TRPM7: variants seen among roughly 807,000 people sequenced by gnomAD.
TRPM7 encodes the protein transient receptor potential cation channel subfamily M member 7, also known as LTRPC ion channel family member 7.
A neutral mutation model predicts 229.7 loss-of-function variants in TRPM7; 134 were observed. The observed-to-expected ratio is 0.58, with a 90% CI of 0.51 to 0.67. TRPM7 has a LOEUF of 0.67. Among genes scored for constraint, TRPM7 ranks in the 30% least tolerant of loss-of-function variants. TRPM7 has a pLI of 0.00. For missense variants in TRPM7, 1,901 were observed against 2,210.0 expected, an observed-to-expected ratio of 0.86 and a Z score of 2.80; for synonymous variants, 699 against 715.2, an observed-to-expected ratio of 0.98 and a Z score of 0.36.
At position 50,564,255 on chromosome 15, in the gene TRPM7, A is replaced by AC. The variant is rs1338643061; in HGVS notation, c.5468-2448_5468-2447insG. ...CAGAGTGAGACTGTCTCAAAAAATA[A>AC]AATAAAATAAAATAAAATAAAATAA... On this transcript the variant is annotated intron_variant, in intron 38 of 38. Coordinates refer to ENST00000646667, the MANE Select transcript of TRPM7 (RefSeq NM_017672.6). 4.1e-4 allele frequency among the ~76,000 whole-genome samples: 19 copies of AC among 45,824 alleles called. 1 individual carries two copies. The highest frequency in any genetic ancestry group is 1.3e-3 in the African/African-American group (17 of 13,218). 30.1% of individuals were successfully genotyped at this position (45,824 alleles called of 152,430 possible).
At chr15:50,624,010 G>A (rs1293615108) in intron 12 of TRPM7, among the ~76,000 whole-genome samples, 156 bp downstream of exon 12, 1 of 152,064 alleles carries the variant, frequency 6.6e-6, no homozygotes, top group Non-Finnish European at 1.5e-5. Flanking sequence ...GTTTCAGACT[G>A]TAATACAACC....
In TRPM7 at chr15:50,561,426, G is replaced by A; in HGVS notation, c.*252C>T. On this transcript the variant is annotated 3_prime_UTR_variant, in exon 39 of 39. Transcript: ENST00000646667. ...AATGAGATCCTCTGCTATACAAAGA[G>A]CCCTTTAAAAAGTTATAAATACTAA... The A allele has an allele frequency of 5.2e-6, 2 of 381,200 alleles. No individual in the cohort carries two copies. Among genetic ancestry groups the A allele is most frequent in the Non-Finnish European group, 9.3e-6 (2 of 214,072 alleles). 23.6% of individuals were successfully genotyped at this position (381,200 alleles called of 1,614,324 possible). A position where few individuals can be genotyped will look rare whatever the true frequency, so the allele number is the denominator to read the frequency against.
intron 3 of TRPM7, among the ~76,000 whole-genome samples, chr15:50,655,766 G>C (rs1189744185): frequency 2.0e-5 from 3 of 152,150 alleles, no homozygotes; most frequent in Non-Finnish European, 4.4e-5. Flanking sequence ...GGGAGGCCAA[G>C]GCAGGCAGAT....
intron 8 of TRPM7, among the ~76,000 whole-genome samples, chr15:50,633,874 GTTTTA>G (rs2060808230): frequency 6.6e-6 from 1 of 152,270 alleles, no homozygotes; most frequent in East Asian, 1.9e-4. Context: ...CATGAAGATG[GTTTTA>G]TTTTAATTTG....
intron 12 of TRPM7, among the ~76,000 whole-genome samples, chr15:50,622,350 A>C (rs924539938): frequency 6.6e-6 from 1 of 152,234 alleles, no homozygotes. Flanking sequence ...TTAAAACTTC[A>C]TCAATAATTG....
rs75557468 is a variant in TRPM7 at position 50,656,499 on chromosome 15, C to CTT, written c.122+1280_122+1281dup. Among the ~76,000 whole-genome samples, 106 of 133,508 alleles carry CTT rather than the reference C, an allele frequency of 7.9e-4. 1 individual carries two copies. Among genetic ancestry groups the CTT allele is most frequent in the African/African-American group, 2.8e-3 (101 of 36,024 alleles). The allele number at this position is 133,508 out of a possible 152,430, so 87.6% of individuals were successfully genotyped here. A position where few individuals can be genotyped will look rare whatever the true frequency, so the allele number is the denominator to read the frequency against. On this transcript the variant is annotated intron_variant, in intron 3 of 38. Transcript: ENST00000646667. ...TGCCAAGATTTTTGTGTGTGGTTTT[C>CTT]TTTTTTTTTTTTTTTTGGTAGACAC...
At chr15:50,567,741 C>A (rs1459746060) in intron 38 of TRPM7, among the ~76,000 whole-genome samples, 1 of 151,450 alleles carries the variant, frequency 6.6e-6, no homozygotes, top group Non-Finnish European at 1.5e-5. Flanking sequence ...CCAAAAGATG[C>A]AGAAAAAAAA....
intron 1 of TRPM7, among the ~76,000 whole-genome samples, chr15:50,686,289 G>A (rs964323383): frequency 2.0e-5 from 3 of 152,188 alleles, no homozygotes; most frequent in Non-Finnish European, 4.4e-5. Context: ...GCTGGGAGCC[G>A]AGTCTCGGCT....
chr15:50,666,495 C>T (rs564406710), intron 1 of TRPM7, among the ~76,000 whole-genome samples: 17 of 151,466 alleles, frequency 1.1e-4, no homozygotes, highest in Middle Eastern at 3.4e-3. Context: ...AAGAAGAAAA[C>T]GAAGAGGAAG....
chr15:50,637,658 T>C, intron 6 of TRPM7, 65 bp from the exon 7 acceptor site: 1 of 1,390,602 alleles, frequency 7.2e-7, no homozygotes, highest in African/African-American at 1.5e-5. Flanking sequence ...AAAATAAATT[T>C]TGAAATAATC....
At chr15:50,615,478 T>C (rs759644680) in intron 13 of TRPM7, among the ~76,000 whole-genome samples, 2 of 152,198 alleles carry the variant, frequency 1.3e-5, no homozygotes, top group Non-Finnish European at 2.9e-5. Context: ...TTTGGAAAGA[T>C]TGCCTGTTTT....
At position 50,683,084 on chromosome 15, in the gene TRPM7, C is replaced by T. The variant is rs527570866; in HGVS notation, c.3+3447G>A. ...ATTTTTTTTGGTAGAGACTGGGTTT[C>T]GCCATCTTTCCCAGGCTAGTCTTGT... On this transcript the variant is annotated intron_variant, in intron 1 of 38. Coordinates refer to ENST00000646667, the MANE Select transcript of TRPM7 (RefSeq NM_017672.6). Among the ~76,000 whole-genome samples, 19 of 151,776 alleles carry T rather than the reference C, an allele frequency of 1.3e-4. No individual in the cohort carries two copies. The South Asian group carries it at 3.1e-3, about 25-fold the overall frequency.
At chr15:50,684,585 C>A (rs1248573880) in intron 1 of TRPM7, among the ~76,000 whole-genome samples, 1 of 151,712 alleles carries the variant, frequency 6.6e-6, no homozygotes, top group Admixed American at 6.6e-5. Flanking sequence ...AGGCTGCAGT[C>A]AGCCGAGATC....
In TRPM7 at chr15:50,557,708, A is replaced by C. The variant is rs945426750; in HGVS notation, c.*3970T>G. The C allele has an allele frequency of 2.6e-5, 4 of 152,254 alleles. No homozygotes were observed. The highest frequency in any genetic ancestry group is 9.6e-5 in the African/African-American group (4 of 41,454). 9.4% of individuals were successfully genotyped at this position (152,254 alleles called of 1,614,324 possible). On this transcript the variant is annotated 3_prime_UTR_variant, in exon 39 of 39. Coordinates refer to ENST00000646667, the MANE Select transcript of TRPM7 (RefSeq NM_017672.6). ...CCCAGGCTGGAGTGCAGTGGCAGCAATCTAGGCTCACTGCAACCTCCACCT... is the reference window on the plus strand; with the variant it reads ...CCCAGGCTGGAGTGCAGTGGCAGCACTCTAGGCTCACTGCAACCTCCACCT...
rs1304743028 is a variant in TRPM7, at chr15:50,608,725, T to C, written c.2580+856A>G. Among the ~76,000 whole-genome samples the C allele has an allele frequency of 2.0e-5, 3 of 152,208 alleles. 1 individual carries two copies. Among genetic ancestry groups the C allele is most frequent in the African/African-American group, 7.2e-5 (3 of 41,466 alleles). On this transcript the variant is annotated intron_variant, in intron 19 of 38. Coordinates refer to ENST00000646667, the MANE Select transcript of TRPM7 (RefSeq NM_017672.6). Reference sequence around the variant, plus strand: ...AAGCAATCACCAAAGAAACAAATTCTTGTTGATGAAAATGAAAAAATCTCC... The same window carrying C: ...AAGCAATCACCAAAGAAACAAATTCCTGTTGATGAAAATGAAAAAATCTCC...
At position 50,574,380 on chromosome 15, in the gene TRPM7, A is replaced by G. The variant is rs765060071; in HGVS notation, c.5202T>C (p.Asn1734=). ...TATTAGTTGGAATAATCTCATCTCC[A>G]TTATTATTGTTGTATTTTCTAAATT... ...TGEFRKYNNN[N]GDEIIPTNTL... Residue 1734 remains asparagine (N), a synonymous_variant, in exon 36 of 39, where the codon AAT becomes AAC. Transcript: ENST00000646667. 1.2e-6 allele frequency: 2 copies of G among 1,613,860 alleles called. No individual in the cohort carries two copies. Among genetic ancestry groups the G allele is most frequent in the Non-Finnish European group, 1.7e-6 (2 of 1,179,820 alleles).
chr15:50,651,634 C>T (rs111891235), intron 3 of TRPM7, among the ~76,000 whole-genome samples: 2,642 of 151,000 alleles, frequency 0.017, 81 homozygotes, highest in African/African-American at 0.062. Context: ...TGTCTCTAAA[C>T]GAAAAAATTA....
At chr15:50,590,763 G>A (rs1226431035) in intron 26 of TRPM7, among the ~76,000 whole-genome samples, 9 of 151,778 alleles carry the variant, frequency 5.9e-5, no homozygotes, top group African/African-American at 1.9e-4. Flanking sequence ...GGCAGAGGTT[G>A]CAGCGAGCCG....
chr15:50,593,718 T>C lies in TRPM7; in HGVS notation c.3507A>G (p.Lys1169=). 1 of 1,610,158 alleles carries C rather than the reference T, an allele frequency of 6.2e-7. No homozygotes were observed. Among genetic ancestry groups the C allele is most frequent in the East Asian group, 2.2e-5 (1 of 44,724 alleles). ...CACACTGCTCTTCAAAATCATGAAG[T>C]TTCTTTTGATCTTCTTCTGTTAAGA... is the stretch of plus-strand genomic sequence containing the variant. The part of the protein sequence containing the change: ...KLFLTEEDQK[K]LHDFEEQCVE... Residue 1169 remains lysine (K), a synonymous_variant, in exon 25 of 39, where the codon AAA becomes AAG. Coordinates refer to ENST00000646667, the MANE Select transcript of TRPM7 (RefSeq NM_017672.6).
Sources: allele counts gnomAD v4.1 joint callset (sites outside exome capture counted in the v4.1 genomes callset), GRCh38; gene constraint gnomAD v4.1.1; transcripts MANE v1.5; gene names NCBI Gene and HGNC (gene_info 2026-07-23, HGNC 2026-07-21).